SH3BP5: variants seen among roughly 807,000 people sequenced by gnomAD.
SH3BP5 encodes the protein SH3 domain binding protein 5.
Under a neutral mutation model 43.3 loss-of-function variants are expected in SH3BP5, and 22 were observed. The observed-to-expected ratio is 0.51, with a 90% CI of 0.36 to 0.73. SH3BP5 has a LOEUF of 0.73. SH3BP5 is among the 30% of genes least tolerant of loss of function. SH3BP5 has a pLI of 0.00. For synonymous variants in SH3BP5, 255 were observed against 225.8 expected, an observed-to-expected ratio of 1.13 and a Z score of -1.16; for missense variants, 529 against 586.9, an observed-to-expected ratio of 0.90 and a Z score of 1.02.
chr3:15,273,619 A>T (rs1057132322), intron 3 of SH3BP5, among the ~76,000 whole-genome samples: 3 of 152,170 alleles, frequency 2.0e-5, no homozygotes, highest in African/African-American at 7.2e-5. Flanking sequence ...TCCATAATTC[A>T]TGCACTTACC....
intron 3 of SH3BP5, among the ~76,000 whole-genome samples, chr3:15,290,163 A>G (rs940359699): frequency 6.6e-6 from 1 of 152,168 alleles, no homozygotes; most frequent in Admixed American, 6.5e-5. Context: ...GCACTTTGGG[A>G]GGTCAAGGCA....
At chr3:15,323,446 C>CCT in intron 2 of SH3BP5, among the ~76,000 whole-genome samples, 1 of 152,298 alleles carries the variant, frequency 6.6e-6, no homozygotes, top group Non-Finnish European at 1.5e-5. Context: ...GGGTCTCAGC[C>CCT]CTCCCTGCCA....
At chr3:15,289,842 C>T (rs79748777) in intron 3 of SH3BP5, among the ~76,000 whole-genome samples, 2,617 of 152,268 alleles carry the variant, frequency 0.017, 35 homozygotes, top group South Asian at 0.024. Flanking sequence ...ATACCTTCTA[C>T]CACCTTGGAT....
intron 3 of SH3BP5, among the ~76,000 whole-genome samples, chr3:15,297,336 T>C (rs1697604468): frequency 1.3e-5 from 2 of 152,156 alleles, no homozygotes; most frequent in Admixed American, 1.3e-4. Flanking sequence ...CTATCTTCCA[T>C]AGCCCCCTCC....
chr3:15,337,716 G>A (rs1698718061), intron 1 of SH3BP5, among the ~76,000 whole-genome samples: 1 of 151,542 alleles, frequency 6.6e-6, no homozygotes, highest in Non-Finnish European at 1.5e-5. Context: ...GACCAGCCTG[G>A]GCAACATAGT....
At chr3:15,256,449 C>G (rs1348973890) in intron 8 of SH3BP5, 146 bp from the exon 9 acceptor site, 1 of 771,006 alleles carries the variant, frequency 1.3e-6, no homozygotes, top group Non-Finnish European at 2.2e-6. Context: ...CTGTAGAAGT[C>G]CCACTGTTAC....
chr3:15,278,449 G>T (rs1366876475), intron 3 of SH3BP5, among the ~76,000 whole-genome samples: 1 of 152,156 alleles, frequency 6.6e-6, no homozygotes, highest in African/African-American at 2.4e-5. Flanking sequence ...GCAGTTCATG[G>T]ACTGCCTGAG....
chr3:15,298,695 C>T (rs371038330), intron 3 of SH3BP5, among the ~76,000 whole-genome samples: 9 of 152,184 alleles, frequency 5.9e-5, no homozygotes, highest in East Asian at 1.9e-4. Flanking sequence ...AAGCCAGTAA[C>T]GAAATGACAA....
In SH3BP5 at chr3:15,256,315, C is replaced by A; in HGVS notation, c.1151-12G>T. On this transcript the variant is annotated splice_polypyrimidine_tract_variant and intron_variant, in intron 8 of 8. Transcript: ENST00000383791. Reference sequence around the variant, plus strand: ...TTCTGCCCTGTCTCCTATAGAAATACAAGGATTATCAAAAGTGAGTATTGA... The same window carrying A: ...TTCTGCCCTGTCTCCTATAGAAATAAAAGGATTATCAAAAGTGAGTATTGA... 2 of 1,609,670 alleles carry A rather than the reference C, an allele frequency of 1.2e-6. No individual in the cohort carries two copies. Among genetic ancestry groups the A allele is most frequent in the South Asian group, 1.1e-5 (1 of 90,914 alleles).
At chr3:15,266,285 C>T (rs1301747526) in intron 4 of SH3BP5, among the ~76,000 whole-genome samples, 1 of 152,238 alleles carries the variant, frequency 6.6e-6, no homozygotes, top group African/African-American at 2.4e-5. Flanking sequence ...CCACCAACGT[C>T]AGGGAGGCTG....
rs141021739 is a variant in SH3BP5, at chr3:15,327,408, AAAAAC to A, written c.201+3091_201+3095del. On this transcript the variant is annotated intron_variant, in intron 2 of 8. Transcript: ENST00000383791. ...GCGTGAGACTCCGTCTCAGGAAAAA[AAAAAC>A]AAAACAAAACACTTGACTGTATATT... Among the ~76,000 whole-genome samples the A allele has an allele frequency of 4.1e-3, 627 of 152,136 alleles. 3 individuals carry two copies. Among genetic ancestry groups the A allele is most frequent in the African/African-American group, 0.014 (566 of 41,518 alleles).
intron 2 of SH3BP5, among the ~76,000 whole-genome samples, chr3:15,326,205 C>G (rs1464754168): frequency 6.6e-6 from 1 of 152,110 alleles, no homozygotes; most frequent in Non-Finnish European, 1.5e-5. Flanking sequence ...CAAATAAGGT[C>G]AGAGGCAAAC....
intron 4 of SH3BP5, among the ~76,000 whole-genome samples, chr3:15,264,648 C>T (rs906400696): frequency 2.6e-5 from 4 of 152,138 alleles, no homozygotes; most frequent in African/African-American, 9.7e-5. Context: ...AGGAGACATG[C>T]TTGCTCACAT....
chr3:15,294,286 AGTAAGTGTGTGTGT>A (rs1218758324), intron 3 of SH3BP5, among the ~76,000 whole-genome samples: 1 of 132,932 alleles, frequency 7.5e-6, no homozygotes, highest in Non-Finnish European at 1.6e-5. Flanking sequence ...CTTCTGCAAA[AGTAAGTGTGTGTGT>A]GTGTGTGTGT....
intron 2 of SH3BP5, among the ~76,000 whole-genome samples, chr3:15,308,467 T>C (rs1299209287): frequency 6.6e-6 from 1 of 152,104 alleles, no homozygotes; most frequent in East Asian, 1.9e-4. Flanking sequence ...TAAGACTACT[T>C]ACACACGTTG....
intron 2 of SH3BP5, among the ~76,000 whole-genome samples, chr3:15,320,017 C>T (rs1472472042): frequency 1.3e-5 from 2 of 152,114 alleles, no homozygotes; most frequent in Non-Finnish European, 2.9e-5. Flanking sequence ...AAAAACACCC[C>T]CTTTCTTCTT....
At chr3:15,311,311 A>C (rs1698051923) in intron 2 of SH3BP5, among the ~76,000 whole-genome samples, 1 of 152,120 alleles carries the variant, frequency 6.6e-6, no homozygotes, top group South Asian at 2.1e-4. Context: ...CACTCCTGTA[A>C]TCCCAGCACT....
chr3:15,300,202 TTCTG>T (rs147458855), intron 3 of SH3BP5, among the ~76,000 whole-genome samples: 87 of 149,848 alleles, frequency 5.8e-4, no homozygotes, highest in African/African-American at 1.9e-3. Context: ...GATTATTTTC[TTCTG>T]TCTATTTTCT....
upstream of SH3BP5, chr3:15,333,008 C>G (rs1313147299): frequency 7.5e-6 from 6 of 800,818 alleles, no homozygotes; most frequent in Non-Finnish European, 9.1e-6. Context: ...GGCGGAGGTT[C>G]CGTGCACTGA....
Sources: gnomAD v4.1 joint callset for allele counts (sites outside exome capture counted in the v4.1 genomes callset) on GRCh38, gnomAD v4.1.1 for gene constraint, MANE v1.5 for transcripts, NCBI Gene and HGNC (gene_info 2026-07-23, HGNC 2026-07-21) for gene names.